Variants in SLCO2A1 observed in about 807,000 individuals in gnomAD.
The protein encoded by SLCO2A1 is matrin F/G 1.
Under a neutral mutation model 71.7 loss-of-function variants are expected in SLCO2A1, and 60 were observed. The observed-to-expected ratio is 0.84, with a 90% CI of 0.68 to 1.04. The LOEUF (loss-of-function observed/expected upper bound fraction) is 1.04, where lower values mean the gene tolerates loss of function less well. Among genes scored for constraint, SLCO2A1 ranks in the 50% least tolerant of loss-of-function variants. SLCO2A1 has a pLI of 0.00. For synonymous variants in SLCO2A1, 308 were observed against 326.7 expected (o/e 0.94, Z 0.62); for missense variants, 745 against 813.4 (o/e 0.92, Z 1.02).
chr3:133,983,039 A>G (rs1156490785), intron 1 of SLCO2A1, among the ~76,000 whole-genome samples: 1 of 152,086 alleles, frequency 6.6e-6, no homozygotes, highest in Non-Finnish European at 1.5e-5. Context: ...TCCCATCCAC[A>G]TACACCTCTT....
chr3:133,946,944 G>A (rs919548495), intron 9 of SLCO2A1, among the ~76,000 whole-genome samples: 16 of 152,030 alleles, frequency 1.1e-4, no homozygotes, highest in Non-Finnish European at 1.5e-4. Context: ...GTGAAACCCC[G>A]CCTCAACTAA....
intron 1 of SLCO2A1, among the ~76,000 whole-genome samples, chr3:133,983,803 G>T (rs543315086): frequency 4.5e-4 from 69 of 152,350 alleles, no homozygotes; most frequent in Non-Finnish European, 8.2e-4. Flanking sequence ...GCAGAGGAAT[G>T]AGGGCTGTCA....
intron 1 of SLCO2A1, among the ~76,000 whole-genome samples, chr3:133,980,139 C>A (rs1274351049): frequency 6.6e-6 from 1 of 152,212 alleles, no homozygotes; most frequent in Non-Finnish European, 1.5e-5. Flanking sequence ...CTCTGAGGCC[C>A]ACCTCTAATG....
intron 1 of SLCO2A1, among the ~76,000 whole-genome samples, chr3:134,000,962 A>G (rs13320795): frequency 0.076 from 11,558 of 152,234 alleles, 599 homozygotes; most frequent in South Asian, 0.18. Flanking sequence ...ACCTGTTCCT[A>G]ACAGAACTTC....
chr3:134,006,524 C>G (rs764236415), intron 1 of SLCO2A1, among the ~76,000 whole-genome samples: 2 of 152,220 alleles, frequency 1.3e-5, no homozygotes, highest in Non-Finnish European at 2.9e-5. Flanking sequence ...TTTTCTGTCT[C>G]TATGAATTTT....
At chr3:133,968,218 A>C in intron 3 of SLCO2A1, among the ~76,000 whole-genome samples, 2 of 147,572 alleles carry the variant, frequency 1.4e-5, no homozygotes, top group African/African-American at 5.1e-5. Flanking sequence ...CTCCGCACCC[A>C]CACACCTCCT....
In SLCO2A1 at chr3:134,028,764, T is replaced by C. The variant is rs114817309; in HGVS notation, c.96+943A>G. The stretch of plus-strand genomic sequence containing the variant: ...AGGGGCCTTGATGCAGTCTCTGCAG[T>C]CTCCCACATCCTCACCGCAGCAGCT... On this transcript the variant is annotated intron_variant, in intron 1 of 13. Coordinates refer to ENST00000310926, the MANE Select transcript of SLCO2A1 (RefSeq NM_005630.3). 4.0e-3 allele frequency among the ~76,000 whole-genome samples: 611 copies of C among 152,326 alleles called. 6 individuals carry two copies. The highest frequency in any genetic ancestry group is 0.014 in the African/African-American group (581 of 41,580).
chr3:134,025,201 G>GTA (rs1300202567), intron 1 of SLCO2A1, among the ~76,000 whole-genome samples: 2 of 152,138 alleles, frequency 1.3e-5, no homozygotes, highest in African/African-American at 2.4e-5. Context: ...TATTCCCAGT[G>GTA]TATACATCAA....
At position 134,003,969 on chromosome 3, in the gene SLCO2A1, C is replaced by T. The variant is rs546155030; in HGVS notation, c.97-24351G>A. Among the ~76,000 whole-genome samples, 232 of 152,312 alleles carry T rather than the reference C, an allele frequency of 1.5e-3. 3 individuals are homozygous for T. The highest frequency in any genetic ancestry group is 5.3e-3 in the African/African-American group (221 of 41,546). ...GAGAAATTCTCCCTGTGTACAGCAG[C>T]TTTTGTGCTTGTGAGTTCCAGCCTG... On this transcript the variant is annotated intron_variant, in intron 1 of 13. Coordinates refer to ENST00000310926, the MANE Select transcript of SLCO2A1 (RefSeq NM_005630.3).
chr3:134,026,900 T>A lies in SLCO2A1; in HGVS notation c.96+2807A>T, dbSNP rs146489201. 8.8e-4 allele frequency among the ~76,000 whole-genome samples: 134 copies of A among 152,354 alleles called. 1 individual carries two copies. The East Asian group carries it at 0.019, about 21-fold the overall frequency. On this transcript the variant is annotated intron_variant, in intron 1 of 13. Coordinates refer to ENST00000310926, the MANE Select transcript of SLCO2A1 (RefSeq NM_005630.3). ...TGCCTGTGCAAGTGTGGCATGGATT[T>A]GATCCTGGGGCCATGTTTAGAAAAT...
intron 3 of SLCO2A1, among the ~76,000 whole-genome samples, chr3:133,973,133 T>C (rs1466873686): frequency 1.3e-5 from 2 of 152,188 alleles, no homozygotes; most frequent in Non-Finnish European, 2.9e-5. Flanking sequence ...TCTTGGAGAA[T>C]AGAGACATTA....
At chr3:133,944,341 A>G (rs1462847919) in intron 10 of SLCO2A1, among the ~76,000 whole-genome samples, 3 of 152,214 alleles carry the variant, frequency 2.0e-5, no homozygotes, top group Non-Finnish European at 4.4e-5. Flanking sequence ...TGGGTTCACC[A>G]TCACATCCTC....
chr3:134,000,904 T>A (rs1182722595), intron 1 of SLCO2A1, among the ~76,000 whole-genome samples: 1 of 152,202 alleles, frequency 6.6e-6, no homozygotes, highest in Non-Finnish European at 1.5e-5. Context: ...CATCTGCACA[T>A]TTCCCTTGCT....
intron 1 of SLCO2A1, among the ~76,000 whole-genome samples, chr3:133,994,639 G>A (rs1481254692): frequency 6.6e-6 from 1 of 152,196 alleles, no homozygotes; most frequent in Admixed American, 6.5e-5. Context: ...TCTCCCATGG[G>A]TGCCCTGCTC....
intron 1 of SLCO2A1, among the ~76,000 whole-genome samples, chr3:133,981,743 G>A (rs1467320131): frequency 6.6e-6 from 1 of 152,162 alleles, no homozygotes; most frequent in African/African-American, 2.4e-5. Context: ...TTGGGACTTC[G>A]AAGCAGGCGG....
chr3:133,945,063 T>C (rs746411142), intron 10 of SLCO2A1, 32 bp downstream of exon 10: 4 of 1,586,484 alleles, frequency 2.5e-6, no homozygotes, highest in Non-Finnish European at 3.4e-6. Flanking sequence ...CCTGTGGGGC[T>C]CCTCTTGCCT....
At chr3:133,997,762 C>A (rs755171871) in intron 1 of SLCO2A1, among the ~76,000 whole-genome samples, 10 of 152,220 alleles carry the variant, frequency 6.6e-5, no homozygotes, top group African/African-American at 9.7e-5. Flanking sequence ...AATGAATACC[C>A]GGGCCAGAGG....
At chr3:133,961,176 G>C (rs1395586734) in intron 3 of SLCO2A1, among the ~76,000 whole-genome samples, 2 of 152,034 alleles carry the variant, frequency 1.3e-5, no homozygotes, top group South Asian at 2.1e-4. Context: ...CAACTGAGAC[G>C]GGTAAGGAGG....
chr3:133,963,287 A>C (rs1328878410), intron 3 of SLCO2A1, among the ~76,000 whole-genome samples: 1 of 151,088 alleles, frequency 6.6e-6, no homozygotes, highest in Non-Finnish European at 1.5e-5. Flanking sequence ...GGGCAGGCCA[A>C]GGTCTAGCCA....
Sources: gnomAD v4.1 joint callset for allele counts (sites outside exome capture counted in the v4.1 genomes callset) on GRCh38, gnomAD v4.1.1 for gene constraint, MANE v1.5 for transcripts, NCBI Gene and HGNC (gene_info 2026-07-23, HGNC 2026-07-21) for gene names.